BMF: variants seen among roughly 807,000 people sequenced by gnomAD.
BMF encodes Bcl2 modifying factor, also known as bcl-2-modifying factor.
In BMF, 10 loss-of-function variants were observed where a neutral mutation model predicts 22.0. The ratio of observed to expected loss-of-function variants is 0.45; its 90% confidence interval spans 0.28 to 0.77. The LOEUF (loss-of-function observed/expected upper bound fraction) is 0.77. BMF is among the 30% of genes least tolerant of loss of function. The pLI is 0.13. For synonymous variants in BMF, 87 were observed against 88.1 expected (o/e 0.99, Z 0.07); for missense variants, 206 against 226.8 (o/e 0.91, Z 0.59).
chr15:40,096,427 C>T lies in BMF; in HGVS notation c.454-4539G>A, dbSNP rs141050744. On this transcript the variant is annotated intron_variant, in intron 4 of 4. Transcript: ENST00000354670. The stretch of plus-strand genomic sequence containing the variant: ...ATCAGAGGAAGAAGCAAAGCGAAGC[C>T]GTGTGCAGCTCTAAAAGAACCTAAC... 8.5e-5 allele frequency among the ~76,000 whole-genome samples: 13 copies of T among 152,248 alleles called. No individual in the cohort carries two copies. The East Asian group carries it at 2.1e-3, about 25-fold the overall frequency.
At chr15:40,101,263 G>A (rs2036470620) in intron 4 of BMF, among the ~76,000 whole-genome samples, 2 of 152,188 alleles carry the variant, frequency 1.3e-5, no homozygotes, top group Non-Finnish European at 2.9e-5. Flanking sequence ...ATCATAAACA[G>A]AAAGAAGGAA....
rs2242186 is a variant in BMF, at chr15:40,088,651, G to A, written c.*3136C>T. The A allele has an allele frequency of 0.051, 7,745 of 152,574 alleles. 285 individuals are homozygous for A. Among genetic ancestry groups the A allele is most frequent in the South Asian group, 0.16 (770 of 4,830 alleles). The allele number at this position is 152,574 out of a possible 1,614,324, so 9.5% of individuals were successfully genotyped here. On this transcript the variant is annotated 3_prime_UTR_variant, in exon 5 of 5. Transcript: ENST00000354670. The stretch of plus-strand genomic sequence containing the variant: ...AACCCCCAGGCAGGGGCCACCTGCC[G>A]ATGGGGCTGGGCTGCCAGGAGCAGT...
rs2036639803 is a variant in BMF at position 40,108,846 on chromosome 15, G to A, written c.-207C>T. 2.0e-5 allele frequency: 3 copies of A among 153,322 alleles called. No homozygotes were observed. The highest frequency in any genetic ancestry group is 2.9e-5 in the Non-Finnish European group (2 of 68,292). The allele number at this position is 153,322 out of a possible 1,614,324, so 9.5% of individuals were successfully genotyped here. Reference sequence around the variant, plus strand: ...CGGGCACAGGCCGGGGCGGGAGGAGGCCACTCCGCACGGTGCGGTATTGTT... The same window carrying A: ...CGGGCACAGGCCGGGGCGGGAGGAGACCACTCCGCACGGTGCGGTATTGTT... On this transcript the variant is annotated 5_prime_UTR_variant, in exon 1 of 5. Transcript: ENST00000354670.
At chr15:40,093,279 C>CCCGT (rs35769813) in intron 4 of BMF, among the ~76,000 whole-genome samples, 31,184 of 152,024 alleles carry the variant, frequency 0.21, 3,759 homozygotes, top group East Asian at 0.32. Context: ...ACGGAATGCC[C>CCCGT]CCGTCCATCA....
At chr15:40,100,685 A>T (rs1334705119) in intron 4 of BMF, among the ~76,000 whole-genome samples, 1 of 152,188 alleles carries the variant, frequency 6.6e-6, no homozygotes, top group Non-Finnish European at 1.5e-5. Context: ...CCACCTAGCA[A>T]GGCTCTTGGG....
intron 3 of BMF, among the ~76,000 whole-genome samples, chr15:40,104,682 G>A (rs1034045563): frequency 6.6e-6 from 1 of 152,218 alleles, no homozygotes; most frequent in African/African-American, 2.4e-5. Flanking sequence ...TATTCACGTA[G>A]TAGCAGGTTG....
At chr15:40,093,949 G>A (rs770918482) in intron 4 of BMF, among the ~76,000 whole-genome samples, 59 of 152,218 alleles carry the variant, frequency 3.9e-4, no homozygotes, top group Non-Finnish European at 5.3e-4. Context: ...ATTACTTAGC[G>A]ACCACATAGC....
chr15:40,104,943 T>C (rs1046159964), intron 3 of BMF, among the ~76,000 whole-genome samples: 1 of 152,170 alleles, frequency 6.6e-6, no homozygotes, highest in African/African-American at 2.4e-5. Flanking sequence ...ACTTACCCAG[T>C]GCACGCGTTA....
rs1447776883 is a variant in BMF, at chr15:40,106,998, C to T, written c.-5-907G>A. 6.6e-6 allele frequency among the ~76,000 whole-genome samples: 1 copy of T among 152,222 alleles called. No homozygotes were observed. The highest frequency in any genetic ancestry group is 1.9e-4 in the East Asian group (1 of 5,198). On this transcript the variant is annotated intron_variant, in intron 2 of 4. Transcript: ENST00000354670. The surrounding 1 kb of genome is among the most constrained non-coding windows in gnomAD (Gnocchi z 4.1). ...ACAGAAGGAAGTGAAATTCAGCCCT[C>T]TCCCTGTGACCTCACTCACTGCCTA...
chr15:40,095,070 G>A (rs1184875074), intron 4 of BMF, among the ~76,000 whole-genome samples: 2 of 152,184 alleles, frequency 1.3e-5, no homozygotes, highest in Non-Finnish European at 2.9e-5. Flanking sequence ...ACAACTCAGA[G>A]CTCCAACAAC....
At position 40,088,906 on chromosome 15, in the gene BMF, T is replaced by C. The variant is rs1391043359; in HGVS notation, c.*2881A>G. On this transcript the variant is annotated 3_prime_UTR_variant, in exon 5 of 5. Coordinates refer to ENST00000354670, the MANE Select transcript of BMF (RefSeq NM_001003940.2). ...GGAGTCCAGCGTCTGGCCTGGGGAC[T>C]TCCCTCACCAGATCTGTTGACCAAC... The C allele has an allele frequency of 1.3e-5, 2 of 152,628 alleles. No individual in the cohort carries two copies. The highest frequency in any genetic ancestry group is 2.9e-5 in the Non-Finnish European group (2 of 68,068). The allele number at this position is 152,628 out of a possible 1,614,324, so 9.5% of individuals were successfully genotyped here. A position where few individuals can be genotyped will look rare whatever the true frequency, so the allele number is the denominator to read the frequency against.
chr15:40,095,866 C>T (rs543399), intron 4 of BMF, among the ~76,000 whole-genome samples: 49,162 of 152,084 alleles, frequency 0.32, 8,190 homozygotes, highest in Middle Eastern at 0.47. Flanking sequence ...TTTCTTGCCA[C>T]GGACAGGGGA....
At chr15:40,095,635 G>A (rs568324085) in intron 4 of BMF, among the ~76,000 whole-genome samples, 2 of 152,278 alleles carry the variant, frequency 1.3e-5, no homozygotes, top group East Asian at 3.9e-4. Context: ...CACAGTCAGG[G>A]TGACCCAAGG....
At chr15:40,092,791 G>A (rs1358922869) in intron 4 of BMF, among the ~76,000 whole-genome samples, 1 of 151,996 alleles carries the variant, frequency 6.6e-6, no homozygotes, top group Non-Finnish European at 1.5e-5. Flanking sequence ...GGCCTGGGGG[G>A]GTGGAAACTG....
Position 40,106,817 on chromosome 15 carries a change from CAG to C in BMF, c.-5-728_-5-727del, listed in dbSNP as rs1478318682. Among the ~76,000 whole-genome samples the C allele has an allele frequency of 6.6e-6, 1 of 152,186 alleles. No individual in the cohort carries two copies. The highest frequency in any genetic ancestry group is 1.5e-5 in the Non-Finnish European group (1 of 68,030). On this transcript the variant is annotated intron_variant, in intron 2 of 4. Coordinates refer to ENST00000354670, the MANE Select transcript of BMF (RefSeq NM_001003940.2). This position sits in a 1 kb window ranked among gnomAD's most constrained non-coding sequence, Gnocchi z 4.1. ...AGCTGCCGTCTCGGCTCTCTTTGAG[CAG>C]AGTTGAGCTGTCTGCCCACCAAAGT...
At chr15:40,098,932 G>A (rs537264992) in intron 4 of BMF, among the ~76,000 whole-genome samples, 21 of 152,254 alleles carry the variant, frequency 1.4e-4, no homozygotes, top group Non-Finnish European at 2.5e-4. Context: ...TAAATATAGC[G>A]AGCGATATAA....
chr15:40,101,026 T>G (rs1490725200), intron 4 of BMF, among the ~76,000 whole-genome samples: 1 of 152,214 alleles, frequency 6.6e-6, no homozygotes. Flanking sequence ...AGGGTTGCTT[T>G]TCTTGGCTCT....
At chr15:40,103,550 G>A (rs1209061908) in intron 4 of BMF, among the ~76,000 whole-genome samples, 10 of 152,334 alleles carry the variant, frequency 6.6e-5, no homozygotes, top group Middle Eastern at 3.4e-3. Context: ...CCGCCCTGGC[G>A]GGGCTGGTGC....
chr15:40,098,014 G>C (rs543960975), intron 4 of BMF, among the ~76,000 whole-genome samples: 1 of 152,288 alleles, frequency 6.6e-6, no homozygotes, highest in Admixed American at 6.5e-5. Flanking sequence ...GCCTCAGACT[G>C]CTTCTGACCC....
Sources: allele counts gnomAD v4.1 joint callset (sites outside exome capture counted in the v4.1 genomes callset), GRCh38; gene constraint gnomAD v4.1.1; non-coding constraint Gnocchi (gnomAD v3.1); transcripts MANE v1.5; gene names NCBI Gene and HGNC (gene_info 2026-07-23, HGNC 2026-07-21).